ATXN7L2: variants seen among roughly 807,000 people sequenced by gnomAD.
ATXN7L2 encodes ataxin-7-like protein 2.
Under a neutral mutation model 59.6 loss-of-function variants are expected in ATXN7L2, and 17 were observed. That is an observed-to-expected ratio of 0.29 (90% CI 0.20 to 0.43). The LOEUF (loss-of-function observed/expected upper bound fraction) is 0.43. Among genes scored for constraint, ATXN7L2 ranks in the 20% least tolerant of loss-of-function variants. ATXN7L2 has a pLI of 1.00. For synonymous variants in ATXN7L2, 378 were observed against 392.5 expected (o/e 0.96, Z 0.44); for missense variants, 858 against 1,008.9 (o/e 0.85, Z 2.03).
chr1:109,490,305 G>T lies in ATXN7L2; in HGVS notation c.1367G>T (p.Gly456Val). 6.2e-7 allele frequency: 1 copy of T among 1,613,982 alleles called. No individual in the cohort carries two copies. The highest frequency in any genetic ancestry group is 1.1e-5 in the South Asian group (1 of 91,090). The change falls in exon 9 of 11, where the codon GGA becomes GTA. Residue 456 changes from glycine to valine, a missense_variant. Gly to Val is a moderately radical substitution (Grantham distance 109). Around this residue, in one of 3 missense-constraint regions of ATXN7L2, gnomAD observed 734 missense variants for 862.3 expected, o/e 0.85. Transcript: ENST00000683729. Reference sequence around the variant, plus strand: ...TTTGGGAGCCGGCTGGTGAGCCCAGGATGCTATGTGTTTAGCCGCCGGCTG... The same window carrying T: ...TTTGGGAGCCGGCTGGTGAGCCCAGTATGCTATGTGTTTAGCCGCCGGCTG... ...CTFGSRLVSP[G>V]CYVFSRRLDR...
intron 7 of ATXN7L2, 38 bp downstream of exon 7, chr1:109,489,138 A>T (rs1328117189): frequency 6.3e-7 from 1 of 1,586,504 alleles, no homozygotes; most frequent in East Asian, 2.3e-5. Context: ...ACCTGGGGGT[A>T]CTTGGCCCCT....
At chr1:109,489,136 G>T (rs779532123) in intron 7 of ATXN7L2, 36 bp downstream of exon 7, 43 of 1,587,510 alleles carry the variant, frequency 2.7e-5, no homozygotes, top group Non-Finnish European at 3.4e-5. Context: ...TCACCTGGGG[G>T]TACTTGGCCC....
At chr1:109,485,997 G>C in intron 1 of ATXN7L2, 60 bp from the exon 2 acceptor site, 1 of 1,475,200 alleles carries the variant, frequency 6.8e-7, no homozygotes, top group South Asian at 1.5e-5. Flanking sequence ...CTCTGGTAAG[G>C]AGAGGCTGGA....
At position 109,486,445 on chromosome 1, in the gene ATXN7L2, C is replaced by T. The variant is rs1415003465; in HGVS notation, c.194-61C>T. 17 of 1,439,360 alleles carry T rather than the reference C, an allele frequency of 1.2e-5. No homozygotes were observed. The highest frequency in any genetic ancestry group is 7.0e-5 in the African/African-American group (5 of 71,240). 89.2% of individuals were successfully genotyped at this position (1,439,360 alleles called of 1,614,324 possible). ...CTGAGTGTGGGGTGGGAGTGCTCTC[C>T]GATCTTCCAGAGAAACCCTGGGATC... On this transcript the variant is annotated intron_variant, in intron 2 of 10. Coordinates refer to ENST00000683729, the MANE Select transcript of ATXN7L2 (RefSeq NM_001350175.2). This position sits in a 1 kb window ranked among gnomAD's most constrained non-coding sequence, Gnocchi z 4.3.
chr1:109,484,346 T>G (rs1440630479), intron 1 of ATXN7L2, among the ~76,000 whole-genome samples: 1 of 151,452 alleles, frequency 6.6e-6, no homozygotes, highest in Admixed American at 6.6e-5. Context: ...AGGCTTGCCT[T>G]TATCTTTCTC....
Position 109,491,145 on chromosome 1 carries a change from G to A in ATXN7L2, c.1678G>A (p.Gly560Arg), listed in dbSNP as rs781608610. The A allele has an allele frequency of 8.7e-6, 14 of 1,613,458 alleles. No individual in the cohort carries two copies. Among genetic ancestry groups the A allele is most frequent in the Middle Eastern group, 1.6e-4 (1 of 6,084 alleles). ...AACSQAECMG[G>R]SQAITSPLPA... ...CTGTAGCCAGGCAGAGTGCATGGGC[G>A]GGAGCCAGGCTATCACCTCACCACT... Residue 560 changes from glycine (G) to arginine (R), a missense_variant, in exon 10 of 11, where the codon GGG becomes AGG. Gly to Arg is a moderately radical substitution (Grantham distance 125). Around this residue, in one of 3 missense-constraint regions of ATXN7L2, gnomAD observed 734 missense variants for 862.3 expected, o/e 0.85. Transcript: ENST00000683729. The surrounding 1 kb of genome is among the most constrained non-coding windows in gnomAD (Gnocchi z 4.1).
chr1:109,485,915 G>A, intron 1 of ATXN7L2, 142 bp from the exon 2 acceptor site: 1 of 1,331,480 alleles, frequency 7.5e-7, no homozygotes, highest in Non-Finnish European at 9.7e-7. Context: ...GCTTCATACT[G>A]TTGAGCTGCA....
In ATXN7L2 at chr1:109,492,569, C is replaced by T. The variant is rs1354295286; in HGVS notation, c.2251-17C>T. 6.2e-7 allele frequency: 1 copy of T among 1,613,904 alleles called. No individual in the cohort carries two copies. The highest frequency in any genetic ancestry group is 8.5e-7 in the Non-Finnish European group (1 of 1,179,968). ...CCCCCACCCTGACCCTTTCTCTCGC[C>T]TCTTGTCTTCCTGCAGTCAAAAGCC... On this transcript the variant is annotated splice_polypyrimidine_tract_variant and intron_variant, in intron 10 of 10. Coordinates refer to ENST00000683729, the MANE Select transcript of ATXN7L2 (RefSeq NM_001350175.2).
At chr1:109,487,485 C>T in intron 4 of ATXN7L2, 33 bp from the exon 5 acceptor site, 1 of 1,474,058 alleles carries the variant, frequency 6.8e-7, no homozygotes. Context: ...CTCCCCTCCC[C>T]TCCCTCAGCC....
chr1:109,489,692 G>GGAAGGGGCTGGGAGGT (rs1553213168), intron 7 of ATXN7L2: 2 of 567,326 alleles, frequency 3.5e-6, no homozygotes, highest in East Asian at 6.1e-5. Context: ...CCCCTGAGGA[G>GGAAGGGGCTGGGAGGT]GAAGGGGCTG....
chr1:109,484,195 C>A (rs1208841590), intron 1 of ATXN7L2, 115 bp downstream of exon 1: 10 of 1,131,352 alleles, frequency 8.8e-6, no homozygotes, highest in Admixed American at 4.3e-5. Flanking sequence ...GCTCCCCGGC[C>A]CCCCAAACAA....
At position 109,484,098 on chromosome 1, in the gene ATXN7L2, A is replaced by C; in HGVS notation, c.127+18A>C. 2.0e-6 allele frequency: 3 copies of C among 1,495,228 alleles called. No individual in the cohort carries two copies. The highest frequency in any genetic ancestry group is 9.0e-7 in the Non-Finnish European group (1 of 1,116,388). The allele number at this position is 1,495,228 out of a possible 1,614,324, so 92.6% of individuals were successfully genotyped here. On this transcript the variant is annotated intron_variant, in intron 1 of 10. Transcript: ENST00000683729. ...GGCTGACGGTGAGTAAAGCCACCCT[A>C]AAGTCCGGGGACCCCATCACTATCT...
Position 109,486,674 on chromosome 1 carries a change from CAG to C in ATXN7L2, c.298+65_298+66del. On this transcript the variant is annotated intron_variant, in intron 3 of 10. Coordinates refer to ENST00000683729, the MANE Select transcript of ATXN7L2 (RefSeq NM_001350175.2). The surrounding 1 kb of genome is among the most constrained non-coding windows in gnomAD (Gnocchi z 4.3). The stretch of plus-strand genomic sequence containing the variant: ...AAGGTGGAGCATGGAACTCTGAGGA[CAG>C]GGTCAGTTGGGAGGTCTCGTAGGGT... The C allele has an allele frequency of 7.0e-7, 1 of 1,423,076 alleles. No homozygotes were observed. Among genetic ancestry groups the C allele is most frequent in the Non-Finnish European group, 9.9e-7 (1 of 1,014,182 alleles). The allele number at this position is 1,423,076 out of a possible 1,614,324, so 88.2% of individuals were successfully genotyped here.
chr1:109,487,069 G>A lies in ATXN7L2; in HGVS notation c.361G>A (p.Ala121Thr). ...GGCCCCACCCCCACCTCCAGCCCCTGCCAGCTCTCAGAAATGCCATGTAGT... is the reference window on the plus strand; with the variant it reads ...GGCCCCACCCCCACCTCCAGCCCCTACCAGCTCTCAGAAATGCCATGTAGT... ...GRAPPPPPAPASSQKCHVVNG... is the reference protein window; with the variant it reads ...GRAPPPPPAPTSSQKCHVVNG... The change falls in exon 4 of 11, where the codon GCC becomes ACC. Residue 121 changes from alanine to threonine, a missense_variant. Physicochemically the swap from Ala to Thr is moderately conservative, Grantham distance 58. Around this residue, in one of 3 missense-constraint regions of ATXN7L2, gnomAD observed 734 missense variants for 862.3 expected, o/e 0.85. Transcript: ENST00000683729. The A allele has an allele frequency of 6.2e-7, 1 of 1,612,228 alleles. No individual in the cohort carries two copies. The highest frequency in any genetic ancestry group is 8.5e-7 in the Non-Finnish European group (1 of 1,179,218).
intron 10 of ATXN7L2, 92 bp from the exon 11 acceptor site, chr1:109,492,494 G>T: frequency 6.5e-7 from 1 of 1,536,836 alleles, no homozygotes; most frequent in East Asian, 2.3e-5. Flanking sequence ...AGGAAATCAA[G>T]CTTTAGCCTC....
chr1:109,491,305 T>C lies in ATXN7L2; in HGVS notation c.1838T>C (p.Leu613Pro), dbSNP rs2101039449. 8 of 1,614,250 alleles carry C rather than the reference T, an allele frequency of 5.0e-6. No individual in the cohort carries two copies. Among genetic ancestry groups the C allele is most frequent in the Non-Finnish European group, 6.8e-6 (8 of 1,180,054 alleles). The part of the protein sequence containing the change: ...KRKLSPGPTT[L>P]KRTCILEPTG... ...AAGTTATCCCCTGGCCCTACCACTC[T>C]TAAACGGACCTGCATCCTGGAGCCC... The change falls in exon 10 of 11, where the codon CTT becomes CCT. Residue 613 changes from leucine (L) to proline (P), a missense_variant. By Grantham distance (98) the Leu-to-Pro change is moderately conservative (BLOSUM62 -3). This residue lies in a region of ATXN7L2 where 734 missense variants were observed against 862.3 expected (regional missense o/e 0.85). Coordinates refer to ENST00000683729, the MANE Select transcript of ATXN7L2 (RefSeq NM_001350175.2). The surrounding 1 kb of genome is among the most constrained non-coding windows in gnomAD (Gnocchi z 4.1).
chr1:109,489,855 C>T (rs150799559), intron 7 of ATXN7L2, 75 bp from the exon 8 acceptor site: 26 of 1,522,052 alleles, frequency 1.7e-5, no homozygotes, highest in African/African-American at 6.9e-5. Context: ...TCTTTGAGCT[C>T]GGCAGGTTCA....
Position 109,483,958 on chromosome 1 carries a change from C to A in ATXN7L2, c.5C>A (p.Ala2Glu). The change falls in exon 1 of 11, where the codon GCG becomes GAG. Residue 2 changes from alanine (A) to glutamate (E), a missense_variant. Physicochemically the swap from Ala to Glu is moderately radical, Grantham distance 107. This residue lies in a region of ATXN7L2 where 95 missense variants were observed against 82.6 expected (regional missense o/e 1.15). Coordinates refer to ENST00000683729, the MANE Select transcript of ATXN7L2 (RefSeq NM_001350175.2). Reference protein sequence around the residue: MAVRERAAAAMA... With the variant: MEVRERAAAAMA... ...GGGCGCGCGTCCGCGGCGGTGATGG[C>A]GGTGCGTGAACGCGCGGCGGCAGCA... 3 of 1,288,736 alleles carry A rather than the reference C, an allele frequency of 2.3e-6. No homozygotes were observed. The highest frequency in any genetic ancestry group is 2.7e-5 in the South Asian group (1 of 37,076). 79.8% of individuals were successfully genotyped at this position (1,288,736 alleles called of 1,614,324 possible). A position where few individuals can be genotyped will look rare whatever the true frequency, so the allele number is the denominator to read the frequency against.
At position 109,491,320 on chromosome 1, in the gene ATXN7L2, T is replaced by G; in HGVS notation, c.1853T>G (p.Ile618Ser). The G allele has an allele frequency of 1.2e-6, 2 of 1,614,260 alleles. No homozygotes were observed. Among genetic ancestry groups the G allele is most frequent in the Non-Finnish European group, 1.7e-6 (2 of 1,180,056 alleles). ...PGPTTLKRTCILEPTGKGKPS... is the reference protein window; with the variant it reads ...PGPTTLKRTCSLEPTGKGKPS... ...CCTACCACTCTTAAACGGACCTGCATCCTGGAGCCCACTGGAAAAGGGAAA... is the reference window on the plus strand; with the variant it reads ...CCTACCACTCTTAAACGGACCTGCAGCCTGGAGCCCACTGGAAAAGGGAAA... Residue 618 changes from isoleucine to serine, a missense_variant, in exon 10 of 11, where the codon ATC (isoleucine) becomes AGC (serine). Ile to Ser is a moderately radical substitution (Grantham distance 142). Transcript: ENST00000683729. The surrounding 1 kb of genome is among the most constrained non-coding windows in gnomAD (Gnocchi z 4.1).
Sources: allele counts gnomAD v4.1 joint callset (sites outside exome capture counted in the v4.1 genomes callset), GRCh38; gene constraint gnomAD v4.1.1; regional missense constraint gnomAD v4.1.1; non-coding constraint Gnocchi (gnomAD v3.1); transcripts MANE v1.5; gene names NCBI Gene and HGNC (gene_info 2026-07-23, HGNC 2026-07-21).